Variants in NRG3 observed in about 807,000 individuals in gnomAD.
NRG3 encodes the protein neuregulin 3.
In NRG3, 31 loss-of-function variants were observed where a neutral mutation model predicts 66.9. The ratio of observed to expected loss-of-function variants is 0.46; its 90% CI spans 0.35 to 0.63. The LOEUF (loss-of-function observed/expected upper bound fraction) is 0.63. Among genes scored for constraint, NRG3 ranks in the 20% least tolerant of loss-of-function variants. NRG3 has a pLI of 0.00. For synonymous variants in NRG3, 393 were observed against 359.4 expected, an observed-to-expected ratio of 1.09 and a Z score of -1.06; for missense variants, 910 against 878.9, an observed-to-expected ratio of 1.04 and a Z score of -0.45.
At chr10:81,898,890 C>T (rs79911841) in intron 1 of NRG3, among the ~76,000 whole-genome samples, 3,556 of 152,244 alleles carry the variant, frequency 0.023, 90 homozygotes, top group African/African-American at 0.052. Flanking sequence ...AGGAAGATTT[C>T]AGAAAACAAA....
In NRG3 at chr10:82,546,034, G is replaced by T. The variant is rs149678900; in HGVS notation, c.953+187166G>T. ...TCCGACCACCTCAGCCTCCCAAAGT[G>T]CTGGGATTACAGGCGTGAGCCACTG... On this transcript the variant is annotated intron_variant, in intron 2 of 8. Transcript: ENST00000372141. Among the ~76,000 whole-genome samples, 315 of 152,206 alleles carry T rather than the reference G, an allele frequency of 2.1e-3. 1 individual carries two copies. The Middle Eastern group carries it at 0.024, about 12-fold the overall frequency.
chr10:82,786,467 G>A (rs1205361148), intron 3 of NRG3, among the ~76,000 whole-genome samples: 1 of 152,058 alleles, frequency 6.6e-6, no homozygotes, highest in Non-Finnish European at 1.5e-5. Flanking sequence ...AAATGGGAAT[G>A]TATATCCTAT....
At chr10:82,746,472 T>G (rs1265976740) in intron 3 of NRG3, among the ~76,000 whole-genome samples, 1 of 152,190 alleles carries the variant, frequency 6.6e-6, no homozygotes, top group South Asian at 2.1e-4. Context: ...CCACAGGACA[T>G]GCTCACTATA....
chr10:81,896,207 GC>G (rs1843510241), intron 1 of NRG3, among the ~76,000 whole-genome samples: 1 of 152,058 alleles, frequency 6.6e-6, no homozygotes, highest in South Asian at 2.1e-4. Flanking sequence ...TAACCAGCAT[GC>G]CCTTTCGATA....
At chr10:82,188,767 A>G (rs963018221) in intron 1 of NRG3, among the ~76,000 whole-genome samples, 2 of 152,100 alleles carry the variant, frequency 1.3e-5, no homozygotes, top group African/African-American at 4.8e-5. Flanking sequence ...AAGGTGGTGT[A>G]CCAGAGGCTG....
At chr10:82,775,998 A>G (rs2059900327) in intron 3 of NRG3, among the ~76,000 whole-genome samples, 1 of 152,148 alleles carries the variant, frequency 6.6e-6, no homozygotes, top group South Asian at 2.1e-4. Flanking sequence ...AATATTCTGA[A>G]TTTTACTATA....
At chr10:82,846,547 T>C (rs944252589) in intron 3 of NRG3, among the ~76,000 whole-genome samples, 1 of 152,188 alleles carries the variant, frequency 6.6e-6, no homozygotes, top group East Asian at 1.9e-4. Context: ...TTAATGTTCA[T>C]TTATGAAGGA....
At chr10:82,543,107 G>A (rs2043654006) in intron 2 of NRG3, among the ~76,000 whole-genome samples, 1 of 151,996 alleles carries the variant, frequency 6.6e-6, no homozygotes, top group Admixed American at 6.5e-5. Context: ...GGCCAGGCTG[G>A]TCTTGAACTC....
intron 3 of NRG3, among the ~76,000 whole-genome samples, chr10:82,797,698 C>T (rs949440587): frequency 4.6e-5 from 7 of 152,166 alleles, no homozygotes; most frequent in African/African-American, 7.2e-5. Context: ...CAATAAATAA[C>T]TGTTTTTTGC....
intron 4 of NRG3, among the ~76,000 whole-genome samples, chr10:82,931,256 A>G (rs142822805): frequency 0.01 from 1,578 of 152,340 alleles, 16 homozygotes; most frequent in African/African-American, 0.03. Context: ...CTTTATTTAC[A>G]TATTCATCCA....
intron 2 of NRG3, among the ~76,000 whole-genome samples, chr10:82,674,377 G>T (rs951630843): frequency 2.6e-5 from 4 of 152,044 alleles, no homozygotes; most frequent in African/African-American, 9.7e-5. Flanking sequence ...GTCAGGGTGA[G>T]AGTTTAGAAT....
intron 1 of NRG3, among the ~76,000 whole-genome samples, chr10:81,932,379 C>T (rs1420129556): frequency 1.3e-5 from 2 of 152,122 alleles, no homozygotes; most frequent in African/African-American, 4.8e-5. Flanking sequence ...AGGTTCTGCC[C>T]CCCAGCATTG....
intron 1 of NRG3, among the ~76,000 whole-genome samples, chr10:82,105,241 C>A (rs999349024): frequency 3.3e-5 from 5 of 152,122 alleles, no homozygotes; most frequent in Admixed American, 1.3e-4. Context: ...TCAAGTGCAG[C>A]AAAGTTTGAA....
chr10:81,953,521 T>A (rs1849565927), intron 1 of NRG3, among the ~76,000 whole-genome samples: 1 of 152,182 alleles, frequency 6.6e-6, no homozygotes, highest in Non-Finnish European at 1.5e-5. Context: ...AATCACCAAG[T>A]CCATCTCTTT....
intron 4 of NRG3, among the ~76,000 whole-genome samples, chr10:82,879,828 G>A (rs1222836420): frequency 6.6e-6 from 1 of 152,074 alleles, no homozygotes; most frequent in East Asian, 1.9e-4. Context: ...AGTACTGAGG[G>A]TTAAAGGTGT....
intron 1 of NRG3, among the ~76,000 whole-genome samples, chr10:82,209,442 T>C (rs1171014787): frequency 6.6e-6 from 1 of 152,228 alleles, no homozygotes; most frequent in Non-Finnish European, 1.5e-5. Context: ...AGTTAACAAC[T>C]GTCAATGATC....
rs117507744 is a variant in NRG3, at chr10:82,230,487, A to G, written c.824-128252A>G. On this transcript the variant is annotated intron_variant, in intron 1 of 8. Coordinates refer to ENST00000372141, the MANE Select transcript of NRG3 (RefSeq NM_001010848.4). Reference sequence around the variant, plus strand: ...TTTTCAGGAAAAGGCAGTGTAACCCATGTTCCTAGACTCAGTGAATGTATC... The same window carrying G: ...TTTTCAGGAAAAGGCAGTGTAACCCGTGTTCCTAGACTCAGTGAATGTATC... 4.6e-5 allele frequency: 7 copies of G among 152,198 alleles called. No individual in the cohort carries two copies. In the East Asian group the frequency reaches 1.4e-3, roughly 29 times the overall value. The allele number at this position is 152,198 out of a possible 1,614,324, so 9.4% of individuals were successfully genotyped here. A position where few individuals can be genotyped will look rare whatever the true frequency, so the allele number is the denominator to read the frequency against.
intron 1 of NRG3, among the ~76,000 whole-genome samples, chr10:82,212,496 C>A (rs1363005624): frequency 6.6e-6 from 1 of 152,150 alleles, no homozygotes; most frequent in Non-Finnish European, 1.5e-5. Flanking sequence ...GTGATTTTTG[C>A]AACCCAGTGA....
intron 2 of NRG3, among the ~76,000 whole-genome samples, chr10:82,520,925 A>G (rs541399559): frequency 6.6e-6 from 1 of 152,258 alleles, no homozygotes; most frequent in South Asian, 2.1e-4. Context: ...TCTATTTTCT[A>G]CAGGATTGCC....
Sources: gnomAD v4.1 joint callset for allele counts (sites outside exome capture counted in the v4.1 genomes callset) on GRCh38, gnomAD v4.1.1 for gene constraint, MANE v1.5 for transcripts, NCBI Gene and HGNC (gene_info 2026-07-23, HGNC 2026-07-21) for gene names.